The following MECOM variants were observed in gnomAD, a reference collection of about 807,000 sequenced individuals.
MECOM encodes the protein histone-lysine N-methyltransferase MECOM.
Under a neutral mutation model 116.3 loss-of-function variants are expected in MECOM, and 13 were observed. The ratio of observed to expected loss-of-function variants is 0.11; its 90% CI spans 0.07 to 0.18. The LOEUF (loss-of-function observed/expected upper bound fraction) is 0.18, where lower values mean the gene tolerates loss of function less well. MECOM is among the 10% of genes least tolerant of loss of function. The pLI is 1.00. For synonymous variants in MECOM, 528 were observed against 535.2 expected (o/e 0.99, Z 0.19); for missense variants, 1,299 against 1,509.0 (o/e 0.86, Z 2.31).
At chr3:169,627,607 T>G (rs1331614010) in intron 1 of MECOM, among the ~76,000 whole-genome samples, 1 of 152,246 alleles carries the variant, frequency 6.6e-6, no homozygotes, top group South Asian at 2.1e-4. Flanking sequence ...AAATCTAAAT[T>G]GGAATGTAAT....
chr3:169,134,285 C>A (rs775652748), intron 3 of MECOM, among the ~76,000 whole-genome samples: 9 of 152,114 alleles, frequency 5.9e-5, no homozygotes, highest in Non-Finnish European at 1.3e-4. Flanking sequence ...AGACATAGAT[C>A]ACTACTGTAA....
At chr3:169,369,608 C>CTCAGCCT (rs1180552526) in intron 2 of MECOM, among the ~76,000 whole-genome samples, 1 of 151,868 alleles carries the variant, frequency 6.6e-6, no homozygotes, top group Non-Finnish European at 1.5e-5. Context: ...CCTCAGCCAC[C>CTCAGCCT]CAAAGTGCTG....
rs554831942 is a variant in MECOM at position 169,252,298 on chromosome 3, A to T, written c.376-108466T>A. 1.7e-4 allele frequency among the ~76,000 whole-genome samples: 26 copies of T among 152,176 alleles called. No individual in the cohort carries two copies. In the South Asian group the frequency reaches 5.2e-3, roughly 30 times the overall value. On this transcript the variant is annotated intron_variant, in intron 2 of 16. Transcript: ENST00000651503. ...AAATTCTTCACAAAATGAGCTTTAA[A>T]TTTGAGATGGGGGAGAAGATATGCA...
chr3:169,442,864 G>C (rs542366977), intron 1 of MECOM, among the ~76,000 whole-genome samples: 1 of 152,192 alleles, frequency 6.6e-6, no homozygotes, highest in South Asian at 2.1e-4. Context: ...GTCAAATGGA[G>C]TAGTATCTTT....
intron 1 of MECOM, among the ~76,000 whole-genome samples, chr3:169,631,938 C>T (rs893395244): frequency 1.1e-4 from 17 of 152,020 alleles, no homozygotes; most frequent in African/African-American, 2.2e-4. Context: ...TTTGTCTGCT[C>T]TTGTTGATGT....
intron 2 of MECOM, among the ~76,000 whole-genome samples, chr3:169,336,297 A>G (rs1190624117): frequency 1.3e-5 from 2 of 152,082 alleles, no homozygotes; most frequent in African/African-American, 2.4e-5. Flanking sequence ...ATAGAAGCAG[A>G]GCCTCCTGTA....
At chr3:169,332,614 T>G (rs954860977) in intron 2 of MECOM, among the ~76,000 whole-genome samples, 5 of 152,178 alleles carry the variant, frequency 3.3e-5, no homozygotes, top group African/African-American at 9.6e-5. Flanking sequence ...CATACTCATA[T>G]ATACACAGAT....
At chr3:169,604,257 C>T (rs1291040523) in intron 1 of MECOM, among the ~76,000 whole-genome samples, 7 of 151,942 alleles carry the variant, frequency 4.6e-5, no homozygotes, top group African/African-American at 1.5e-4. Context: ...CTCCCTCTCT[C>T]TCTTTCTCTC....
chr3:169,330,122 C>A lies in MECOM; in HGVS notation c.375+51065G>T, dbSNP rs577189610. ...CTCTCTGTAGCCTTGACCTCCCAGG[C>A]TTAAGTGATCCTCCCACCTCAGCCT... On this transcript the variant is annotated intron_variant, in intron 2 of 16. Coordinates refer to ENST00000651503, the MANE Select transcript of MECOM (RefSeq NM_004991.4). Among the ~76,000 whole-genome samples the A allele has an allele frequency of 2.0e-4, 31 of 152,186 alleles. 1 individual carries two copies. In the East Asian group the frequency reaches 4.4e-3, roughly 22 times the overall value.
chr3:169,119,196 G>A (rs2149101137), intron 7 of MECOM, among the ~76,000 whole-genome samples: 1 of 152,328 alleles, frequency 6.6e-6, no homozygotes, highest in South Asian at 2.1e-4. Context: ...AAACACACCA[G>A]TGGGGGTAAA....
Position 169,102,077 on chromosome 3 carries a change from C to T in MECOM, c.2754G>A (p.Lys918=), listed in dbSNP as rs1260038933. The T allele has an allele frequency of 1.1e-5, 18 of 1,612,812 alleles. No homozygotes were observed. The highest frequency in any genetic ancestry group is 1.8e-4 in the Middle Eastern group (1 of 5,556). Reference sequence around the variant, plus strand: ...GCAGTTACCTGCAGGTATAGCGCTCCTTTCCCTTCCGCAGAAGGTTCTCTG... The same window carrying T: ...GCAGTTACCTGCAGGTATAGCGCTCTTTTCCCTTCCGCAGAAGGTTCTCTG... ...ALPENLLRKG[K]ERYTCRYCGK... The change falls in exon 11 of 17, where the codon AAG becomes AAA. Residue 918 remains lysine, a synonymous_variant. Coordinates refer to ENST00000651503, the MANE Select transcript of MECOM (RefSeq NM_004991.4).
At position 169,486,027 on chromosome 3, in the gene MECOM, G is replaced by GTA. The variant is rs532251720; in HGVS notation, c.38-104505_38-104504dup. ...TATACTATATATATATGTATATATA[G>GTA]TATATATATATATGTATATATATAT... On this transcript the variant is annotated intron_variant, in intron 1 of 16. Transcript: ENST00000651503. Among the ~76,000 whole-genome samples the GTA allele has an allele frequency of 1.7e-3, 189 of 110,224 alleles. 6 individuals are homozygous for GTA. The highest frequency in any genetic ancestry group is 5.4e-3 in the South Asian group (20 of 3,670). 72.3% of individuals were successfully genotyped at this position (110,224 alleles called of 152,430 possible).
At chr3:169,534,295 C>CT (rs77319030) in intron 1 of MECOM, among the ~76,000 whole-genome samples, 43,501 of 152,044 alleles carry the variant, frequency 0.29, 6,501 homozygotes, top group Non-Finnish European at 0.33. Context: ...TAGAAGTCAA[C>CT]TTTTCAGACT....
Position 169,662,363 on chromosome 3 carries a change from G to C in MECOM, c.37+973C>G, listed in dbSNP as rs999251015. On this transcript the variant is annotated intron_variant, in intron 1 of 16. Transcript: ENST00000651503. The stretch of plus-strand genomic sequence containing the variant: ...GCAGCCCGCCCCCTGGGGTTTGCTC[G>C]GCGCCCAGCAAGCCCGAGGTGCGCG... Among the ~76,000 whole-genome samples, 8 of 152,236 alleles carry C rather than the reference G, an allele frequency of 5.3e-5. No homozygotes were observed. The South Asian group carries it at 1.7e-3, about 32-fold the overall frequency.
intron 2 of MECOM, among the ~76,000 whole-genome samples, chr3:169,363,258 T>C (rs1728598152): frequency 6.6e-6 from 1 of 151,972 alleles, no homozygotes; most frequent in Admixed American, 6.6e-5. Flanking sequence ...AGGGGAAATG[T>C]ATTTGGTCCA....
At chr3:169,375,878 AAAG>A (rs1167405189) in intron 2 of MECOM, among the ~76,000 whole-genome samples, 2 of 47,846 alleles carry the variant, frequency 4.2e-5, no homozygotes, top group Non-Finnish European at 9.6e-5. Flanking sequence ...CACAACAAAA[AAAG>A]AAAATTTCAG....
intron 1 of MECOM, among the ~76,000 whole-genome samples, chr3:169,573,589 C>G (rs1764166214): frequency 6.6e-6 from 1 of 152,182 alleles, no homozygotes; most frequent in Non-Finnish European, 1.5e-5. Flanking sequence ...CAATATAGAC[C>G]TTAGCGGATT....
chr3:169,416,266 T>A (rs895163366), intron 1 of MECOM, among the ~76,000 whole-genome samples: 20 of 152,166 alleles, frequency 1.3e-4, no homozygotes, highest in African/African-American at 4.6e-4. Flanking sequence ...AACATGCTCC[T>A]GAATGACTAC....
intron 2 of MECOM, among the ~76,000 whole-genome samples, chr3:169,176,106 G>A (rs1406471832): frequency 4.8e-5 from 1 of 20,726 alleles, no homozygotes; most frequent in East Asian, 8.3e-4. Flanking sequence ...GATAGCTGAT[G>A]AGAAAAAAAA....
Sources: gnomAD v4.1 joint callset for allele counts (sites outside exome capture counted in the v4.1 genomes callset) on GRCh38, gnomAD v4.1.1 for gene constraint, MANE v1.5 for transcripts, NCBI Gene and HGNC (gene_info 2026-07-23, HGNC 2026-07-21) for gene names.